The following NAV2 variants were observed in gnomAD, a reference collection of about 807,000 sequenced individuals.
NAV2 encodes the protein neuron navigator 2.
NAV2 carries 54 observed loss-of-function variants against 223.2 expected under a neutral mutation model. That is an observed-to-expected ratio of 0.24 (90% CI 0.19 to 0.30). The LOEUF is 0.30. NAV2 is among the 10% of genes least tolerant of loss of function. NAV2 has a pLI of 1.00. For synonymous variants in NAV2, 1,279 were observed against 1,239.3 expected, an observed-to-expected ratio of 1.03 and a Z score of -0.67; for missense variants, 2,806 against 3,147.5, an observed-to-expected ratio of 0.89 and a Z score of 2.60.
intron 1 of NAV2, among the ~76,000 whole-genome samples, chr11:19,425,311 G>T (rs1253459256): frequency 2.0e-5 from 3 of 152,230 alleles, no homozygotes; most frequent in African/African-American, 7.2e-5. Flanking sequence ...TAAGAAGAGT[G>T]TAGATAGAGT....
At chr11:19,386,332 C>T (rs1849041191) in intron 1 of NAV2, among the ~76,000 whole-genome samples, 1 of 152,184 alleles carries the variant, frequency 6.6e-6, no homozygotes, top group African/African-American at 2.4e-5. Context: ...TGTGTGATGT[C>T]TTATGTGATC....
intron 3 of NAV2, among the ~76,000 whole-genome samples, chr11:19,861,994 C>G (rs1035208774): frequency 1.3e-5 from 2 of 152,178 alleles, no homozygotes; most frequent in Non-Finnish European, 2.9e-5. Context: ...AGCTACAACT[C>G]CCCTCCCAGG....
At position 20,118,873 on chromosome 11, in the gene NAV2, G is replaced by A. The variant is rs910939072; in HGVS notation, c.*615G>A. The A allele has an allele frequency of 6.5e-6, 1 of 152,752 alleles. No individual in the cohort carries two copies. Among genetic ancestry groups the A allele is most frequent in the African/African-American group, 2.4e-5 (1 of 41,434 alleles). The allele number at this position is 152,752 out of a possible 1,614,324, so 9.5% of individuals were successfully genotyped here. On this transcript the variant is annotated 3_prime_UTR_variant, in exon 38 of 38. Coordinates refer to ENST00000349880, the MANE Select transcript of NAV2 (RefSeq NM_145117.5). ...AGGAGCAAATAAACCGTGCTTTCATGTTTTTTAAATGGTGCTTTCCTTACC... is the reference window on the plus strand; with the variant it reads ...AGGAGCAAATAAACCGTGCTTTCATATTTTTTAAATGGTGCTTTCCTTACC...
intron 2 of NAV2, 103 bp from the exon 3 acceptor site, chr11:19,842,768 C>G: frequency 1.0e-6 from 1 of 997,986 alleles, no homozygotes; most frequent in Non-Finnish European, 1.6e-6. Context: ...TGGACAAACC[C>G]TGGTATGGGC....
chr11:20,106,175 A>ATATATATATATGTGTGTGTGTGTG lies in NAV2; in HGVS notation c.6841+449_6841+450insATATATATATGTGTGTGTGTGTGT, dbSNP rs11267537. ...TGTGTGTATATATATATATATATAT[A>ATATATATATATGTGTGTGTGTGTG]TGTGTGTGTATATATATATATATAT... On this transcript the variant is annotated intron_variant, in intron 35 of 37. Transcript: ENST00000349880. Among the ~76,000 whole-genome samples, 104 of 35,822 alleles carry ATATATATATATGTGTGTGTGTGTG rather than the reference A, an allele frequency of 2.9e-3. 14 individuals carry two copies. Among genetic ancestry groups the ATATATATATATGTGTGTGTGTGTG allele is most frequent in the Non-Finnish European group, 3.9e-3 (74 of 18,988 alleles). The allele number at this position is 35,822 out of a possible 152,430, so 23.5% of individuals were successfully genotyped here. A position where few individuals can be genotyped will look rare whatever the true frequency, so the allele number is the denominator to read the frequency against.
intron 1 of NAV2, among the ~76,000 whole-genome samples, chr11:19,579,825 C>T (rs1158743774): frequency 1.3e-5 from 2 of 152,072 alleles, no homozygotes; most frequent in African/African-American, 4.8e-5. Flanking sequence ...ATCTCTAGGC[C>T]CCTCTTGGAC....
intron 23 of NAV2, among the ~76,000 whole-genome samples, 167 bp downstream of exon 23, chr11:20,077,802 T>A (rs568572634): frequency 3.9e-5 from 6 of 152,364 alleles, no homozygotes; most frequent in African/African-American, 1.4e-4. Context: ...GACAGATTGA[T>A]AATGGCATCA....
At chr11:19,393,908 T>TTTC (rs1554918427) in intron 1 of NAV2, among the ~76,000 whole-genome samples, 11 of 148,650 alleles carry the variant, frequency 7.4e-5, no homozygotes, top group Non-Finnish European at 1.3e-4. Flanking sequence ...TTTTTTTTCT[T>TTTC]TTTTTTTTTT....
intron 1 of NAV2, among the ~76,000 whole-genome samples, chr11:19,804,098 A>C (rs1332631089): frequency 6.6e-6 from 1 of 152,146 alleles, no homozygotes; most frequent in Non-Finnish European, 1.5e-5. Context: ...GACCTCATGC[A>C]CTAAAGAGAG....
rs1191260178 is a variant in NAV2 at position 19,648,951 on chromosome 11, TA to T, written c.76-183532del. 5.3e-5 allele frequency among the ~76,000 whole-genome samples: 8 copies of T among 152,332 alleles called. No individual in the cohort carries two copies. The South Asian group carries it at 1.7e-3, about 32-fold the overall frequency. ...CTATGCTAATTATGGACATTTTTAG[TA>T]GATTTTATTACACTTGATGTTTTGT... On this transcript the variant is annotated intron_variant, in intron 1 of 37. Transcript: ENST00000360655.
intron 1 of NAV2, among the ~76,000 whole-genome samples, chr11:19,731,710 C>T (rs1011725626): frequency 6.6e-6 from 1 of 152,156 alleles, no homozygotes; most frequent in Non-Finnish European, 1.5e-5. Flanking sequence ...TGGGCATGGG[C>T]CGATCATTTA....
intron 32 of NAV2, among the ~76,000 whole-genome samples, chr11:20,102,645 T>G (rs1356550056): frequency 6.6e-6 from 1 of 152,136 alleles, no homozygotes; most frequent in Non-Finnish European, 1.5e-5. Context: ...CTCTGCCAGC[T>G]CCTTATCTTG....
At chr11:19,670,464 G>A (rs2048547023) in intron 1 of NAV2, among the ~76,000 whole-genome samples, 1 of 152,206 alleles carries the variant, frequency 6.6e-6, no homozygotes, top group Admixed American at 6.5e-5. Flanking sequence ...TACCCTTGCA[G>A]TGCTCAGGGA....
At position 20,101,002 on chromosome 11, in the gene NAV2, C is replaced by A; in HGVS notation, c.6247C>A (p.Arg2083Ser). Residue 2083 changes from arginine (R) to serine (S), a missense_variant, in exon 32 of 38, where the codon CGC (arginine) becomes AGC (serine). Physicochemically the swap from Arg to Ser is moderately radical, Grantham distance 110. This residue lies in a region of NAV2 where 824 missense variants were observed against 1,069.4 expected (regional missense o/e 0.77). Transcript: ENST00000349880. Reference sequence around the variant, plus strand: ...CTTGATTCCCAAGCCCATCCTGCAGCGCTACGTCTCCCTCCTGATAGAGCA... The same window carrying A: ...CTTGATTCCCAAGCCCATCCTGCAGAGCTACGTCTCCCTCCTGATAGAGCA... ...ESLIPKPILQ[R>S]YVSLLIEHRR... 6.2e-7 allele frequency: 1 copy of A among 1,614,134 alleles called. No individual in the cohort carries two copies. The highest frequency in any genetic ancestry group is 8.5e-7 in the Non-Finnish European group (1 of 1,180,016).
intron 1 of NAV2, among the ~76,000 whole-genome samples, chr11:19,455,010 A>G (rs1322200722): frequency 6.6e-6 from 1 of 152,186 alleles, no homozygotes; most frequent in Non-Finnish European, 1.5e-5. Context: ...GCCCAGATTT[A>G]CTGAATCACA....
intron 3 of NAV2, among the ~76,000 whole-genome samples, chr11:19,853,281 GCTGGGATA>G (rs2061242785): frequency 6.6e-6 from 1 of 152,204 alleles, no homozygotes; most frequent in African/African-American, 2.4e-5. Context: ...AAGCCTCTTT[GCTGGGATA>G]TGACTGAGCA....
intron 1 of NAV2, among the ~76,000 whole-genome samples, chr11:19,529,448 A>G (rs1176531098): frequency 1.3e-5 from 2 of 152,164 alleles, no homozygotes; most frequent in South Asian, 2.1e-4. Flanking sequence ...AGGCCCCCCA[A>G]TACCATCCCA....
Position 19,998,026 on chromosome 11 carries a change from G to T in NAV2, c.2768+13779G>T, listed in dbSNP as rs2052093360. Among the ~76,000 whole-genome samples, 1 of 152,066 alleles carries T rather than the reference G, an allele frequency of 6.6e-6. No individual in the cohort carries two copies. The highest frequency in any genetic ancestry group is 1.9e-4 in the East Asian group (1 of 5,192). On this transcript the variant is annotated intron_variant, in intron 11 of 37. Coordinates refer to ENST00000349880, the MANE Select transcript of NAV2 (RefSeq NM_145117.5). This position sits in a 1 kb window ranked among gnomAD's most constrained non-coding sequence, Gnocchi z 5.0. ...AGCTCCTAGGTATGGTCTCCCCCAAGACTGAGAGGAAGGAAGCAGAACAAA... is the reference window on the plus strand; with the variant it reads ...AGCTCCTAGGTATGGTCTCCCCCAATACTGAGAGGAAGGAAGCAGAACAAA...
chr11:19,934,137 C>T lies in NAV2; in HGVS notation c.1893C>T (p.His631=), dbSNP rs766349376. The T allele has an allele frequency of 3.7e-6, 6 of 1,614,066 alleles. No homozygotes were observed. The highest frequency in any genetic ancestry group is 5.1e-6 in the Non-Finnish European group (6 of 1,180,038). The part of the protein sequence containing the change: ...GKGPGGTTLN[H]SISSQTVSGS... ...GCCCAGGAGGGACCACCCTGAACCACAGCATCAGCAGCCAGACTGTCAGTG... is the reference window on the plus strand; with the variant it reads ...GCCCAGGAGGGACCACCCTGAACCATAGCATCAGCAGCCAGACTGTCAGTG... Residue 631 remains histidine, a synonymous_variant, in exon 7 of 38, where the codon CAC becomes CAT. Transcript: ENST00000349880.
Sources: allele counts gnomAD v4.1 joint callset (sites outside exome capture counted in the v4.1 genomes callset), GRCh38; gene constraint gnomAD v4.1.1; regional missense constraint gnomAD v4.1.1; non-coding constraint Gnocchi (gnomAD v3.1); transcripts MANE v1.5; gene names NCBI Gene and HGNC (gene_info 2026-07-23, HGNC 2026-07-21).